KIF6: variants seen among roughly 807,000 people sequenced by gnomAD.
KIF6 encodes kinesin-like protein KIF6.
KIF6 carries 106 observed loss-of-function variants against 112.7 expected under a neutral mutation model. The observed-to-expected ratio is 0.94, with a 90% CI of 0.80 to 1.11. KIF6 has a LOEUF of 1.11. KIF6 is among the 50% of genes least tolerant of loss of function. The pLI is 0.00. For missense variants in KIF6, 929 were observed against 964.0 expected, an observed-to-expected ratio of 0.96 and a Z score of 0.48; for synonymous variants, 339 against 339.9, an observed-to-expected ratio of 1.00 and a Z score of 0.03.
At chr6:39,630,767 C>T (rs1784312662) in intron 5 of KIF6, among the ~76,000 whole-genome samples, 1 of 151,978 alleles carries the variant, frequency 6.6e-6, no homozygotes, top group Non-Finnish European at 1.5e-5. Flanking sequence ...TGGGAGAAAG[C>T]ATCTAGCTTC....
chr6:39,635,288 CA>C (rs1432299586), intron 4 of KIF6, among the ~76,000 whole-genome samples: 2 of 151,378 alleles, frequency 1.3e-5, no homozygotes, highest in East Asian at 1.9e-4. Flanking sequence ...CTTTCCAGAC[CA>C]AAAAAGGTTA....
chr6:39,464,543 C>T (rs148756224), intron 13 of KIF6, among the ~76,000 whole-genome samples: 217 of 152,294 alleles, frequency 1.4e-3, no homozygotes, highest in African/African-American at 5.0e-3. Context: ...TAATCAGAAA[C>T]TATGAGCATC....
In KIF6 at chr6:39,639,663, C is replaced by T; in HGVS notation, c.346G>A (p.Asp116Asn). ...TITGGAERYS[D>N]RGIIPRTLSY... ...AGTGTCCTTGGGATAATGCCTCTGT[C>T]ACTGTAACGCTCTGCACCCCCTGTG... is the stretch of plus-strand genomic sequence containing the variant. The change falls in exon 4 of 23, where the codon GAC becomes AAC. Residue 116 changes from aspartate (D) to asparagine (N), a missense_variant. Asp to Asn is a conservative substitution (Grantham distance 23). This residue lies in a region of KIF6 where 688 missense variants were observed against 662.7 expected (regional missense o/e 1.04). Transcript: ENST00000287152. 4 of 1,609,840 alleles carry T rather than the reference C, an allele frequency of 2.5e-6. No homozygotes were observed. Among genetic ancestry groups the T allele is most frequent in the Non-Finnish European group, 3.4e-6 (4 of 1,178,212 alleles).
intron 19 of KIF6, among the ~76,000 whole-genome samples, chr6:39,352,284 C>T (rs1236389963): frequency 6.6e-6 from 1 of 152,144 alleles, no homozygotes; most frequent in Non-Finnish European, 1.5e-5. Flanking sequence ...TTATTATGAA[C>T]TAAAGTCCAT....
chr6:39,654,732 T>C (rs148958372), intron 3 of KIF6, among the ~76,000 whole-genome samples: 15 of 152,344 alleles, frequency 9.8e-5, no homozygotes, highest in Non-Finnish European at 1.8e-4. Flanking sequence ...ATTTTACATA[T>C]AGCACAGCTT....
chr6:39,464,874 C>G (rs1362949154), intron 13 of KIF6, among the ~76,000 whole-genome samples: 1 of 152,174 alleles, frequency 6.6e-6, no homozygotes, highest in East Asian at 1.9e-4. Context: ...TATTAATATG[C>G]AACAAACATT....
chr6:39,517,158 T>C (rs969880179), intron 13 of KIF6, among the ~76,000 whole-genome samples: 1 of 152,114 alleles, frequency 6.6e-6, no homozygotes, highest in Non-Finnish European at 1.5e-5. Flanking sequence ...CACACTAAAG[T>C]AGAATGATTG....
At chr6:39,439,066 A>C (rs571987002) in intron 13 of KIF6, among the ~76,000 whole-genome samples, 1 of 152,172 alleles carries the variant, frequency 6.6e-6, no homozygotes, top group African/African-American at 2.4e-5. Context: ...TTAAGTACAC[A>C]CTATGATGTT....
chr6:39,651,712 A>T (rs535494140), intron 3 of KIF6, among the ~76,000 whole-genome samples: 1 of 152,286 alleles, frequency 6.6e-6, no homozygotes, highest in South Asian at 2.1e-4. Context: ...ATTCAAACAC[A>T]CTTTGATTTC....
intron 5 of KIF6, among the ~76,000 whole-genome samples, chr6:39,631,978 G>T (rs1784373589): frequency 6.6e-6 from 1 of 151,942 alleles, no homozygotes; most frequent in Admixed American, 6.6e-5. Context: ...ATTTCATCTT[G>T]GTTAAGTTTG....
rs76205107 is a variant in KIF6, at chr6:39,666,662, G to A, written c.252-26905C>T. 4.4e-3 allele frequency among the ~76,000 whole-genome samples: 669 copies of A among 152,262 alleles called. 6 individuals carry two copies. The highest frequency in any genetic ancestry group is 0.016 in the African/African-American group (647 of 41,546). On this transcript the variant is annotated intron_variant, in intron 3 of 22. Transcript: ENST00000287152. ...GGTCCAGAAAGTTGCTGAGCTTCTCGAATTCTTTTTACTCTCTGACAAAGG... is the reference window on the plus strand; with the variant it reads ...GGTCCAGAAAGTTGCTGAGCTTCTCAAATTCTTTTTACTCTCTGACAAAGG...
At chr6:39,489,156 C>T (rs1198574027) in intron 13 of KIF6, among the ~76,000 whole-genome samples, 1 of 152,180 alleles carries the variant, frequency 6.6e-6, no homozygotes, top group Non-Finnish European at 1.5e-5. Flanking sequence ...CTATCTTCTA[C>T]TTTCTCTTGA....
At chr6:39,677,370 GT>G (rs1379291812) in intron 3 of KIF6, among the ~76,000 whole-genome samples, 1 of 151,854 alleles carries the variant, frequency 6.6e-6, no homozygotes, top group Non-Finnish European at 1.5e-5. Flanking sequence ...ATCTCCCTTG[GT>G]TCTTGATAAA....
At chr6:39,617,590 T>C (rs533108723) in intron 5 of KIF6, 1 of 375,720 alleles carries the variant, frequency 2.7e-6, no homozygotes, top group South Asian at 2.0e-5. Context: ...GGGGTGCTAT[T>C]CACATCATGG....
chr6:39,517,488 C>T (rs1353017894), intron 13 of KIF6, among the ~76,000 whole-genome samples: 1 of 152,168 alleles, frequency 6.6e-6, no homozygotes, highest in African/African-American at 2.4e-5. Context: ...GCACTGTCAT[C>T]TCCTGCCTCC....
rs1181261661 is a variant in KIF6, at chr6:39,443,156, T to TAAAA, written c.1646-11996_1646-11995insTTTT. Among the ~76,000 whole-genome samples, 561 of 113,040 alleles carry TAAAA rather than the reference T, an allele frequency of 5.0e-3. 2 individuals are homozygous for TAAAA. Among genetic ancestry groups the TAAAA allele is most frequent in the African/African-American group, 0.017 (498 of 29,760 alleles). 74.2% of individuals were successfully genotyped at this position (113,040 alleles called of 152,430 possible). A position where few individuals can be genotyped will look rare whatever the true frequency, so the allele number is the denominator to read the frequency against. ...ATAATAATAATAATAATAATAATAA[T>TAAAA]AATAAATAAAAATAAAAAAAAGAAA... is the stretch of plus-strand genomic sequence containing the variant. On this transcript the variant is annotated intron_variant, in intron 13 of 22. Coordinates refer to ENST00000287152, the MANE Select transcript of KIF6 (RefSeq NM_145027.6).
intron 10 of KIF6, among the ~76,000 whole-genome samples, chr6:39,547,166 C>T (rs1339207429): frequency 6.6e-6 from 1 of 152,164 alleles, no homozygotes; most frequent in Non-Finnish European, 1.5e-5. Flanking sequence ...ACTGTATCTA[C>T]ACATTTCTCT....
intron 16 of KIF6, among the ~76,000 whole-genome samples, chr6:39,381,968 T>C (rs202077378): frequency 6.6e-6 from 1 of 152,070 alleles, no homozygotes; most frequent in East Asian, 1.9e-4. Context: ...ATTGAAAACA[T>C]ACAGCAGTTT....
chr6:39,487,140 A>G (rs1161370093), intron 13 of KIF6, among the ~76,000 whole-genome samples: 3 of 152,366 alleles, frequency 2.0e-5, no homozygotes, highest in East Asian at 3.8e-4. Flanking sequence ...ATAAATAAAA[A>G]TAGAAAATTA....
Sources: allele counts gnomAD v4.1 joint callset (sites outside exome capture counted in the v4.1 genomes callset), GRCh38; gene constraint gnomAD v4.1.1; regional missense constraint gnomAD v4.1.1; transcripts MANE v1.5; gene names NCBI Gene and HGNC (gene_info 2026-07-23, HGNC 2026-07-21).